DLX4: variants seen among roughly 807,000 people sequenced by gnomAD.
The protein encoded by DLX4 is distal-less homeobox 4.
A neutral mutation model predicts 17.1 loss-of-function variants in DLX4; 13 were observed. The observed-to-expected ratio is 0.76, with a 90% CI of 0.49 to 1.21. DLX4 has a LOEUF of 1.21. Ranked by LOEUF, DLX4 falls within the 50% of genes most tolerant of loss-of-function variation. DLX4 has a pLI of 0.00. For missense variants in DLX4, 297 were observed against 301.4 expected (o/e 0.99, Z 0.11); for synonymous variants, 129 against 140.3 (o/e 0.92, Z 0.57).
intron 1 of DLX4, among the ~76,000 whole-genome samples, chr17:49,970,087 G>A (rs1284071936): frequency 6.6e-6 from 1 of 152,198 alleles, no homozygotes; most frequent in Non-Finnish European, 1.5e-5. Flanking sequence ...ATGTGGGGAT[G>A]GGGGCCTAGC....
intron 1 of DLX4, among the ~76,000 whole-genome samples, chr17:49,970,090 G>T (rs1324984107): frequency 1.3e-5 from 2 of 152,152 alleles, no homozygotes; most frequent in East Asian, 3.9e-4. Flanking sequence ...TGGGGATGGG[G>T]GCCTAGCCCC....
In DLX4 at chr17:49,972,018, C is replaced by G. The variant is rs1307568474; in HGVS notation, c.284-1055C>G. 6.6e-6 allele frequency: 1 copy of G among 152,232 alleles called. No homozygotes were observed. The highest frequency in any genetic ancestry group is 1.5e-5 in the Non-Finnish European group (1 of 68,086). 9.4% of individuals were successfully genotyped at this position (152,232 alleles called of 1,614,324 possible). The stretch of plus-strand genomic sequence containing the variant: ...CTGGACAGACCCGCAGGGAATGCGG[C>G]GAACGCTGCCCTAAGCGCCCGGGCA... On this transcript the variant is annotated intron_variant, in intron 1 of 2. Coordinates refer to ENST00000240306, the MANE Select transcript of DLX4 (RefSeq NM_138281.3). The surrounding 1 kb of genome is among the most constrained non-coding windows in gnomAD (Gnocchi z 5.4).
Position 49,969,541 on chromosome 17 carries a change from C to A in DLX4, c.73C>A (p.Pro25Thr). 6.2e-7 allele frequency: 1 copy of A among 1,613,266 alleles called. No individual in the cohort carries two copies. Among genetic ancestry groups the A allele is most frequent in the Non-Finnish European group, 8.5e-7 (1 of 1,179,952 alleles). Residue 25 changes from proline (P) to threonine (T), a missense_variant, in exon 1 of 3, where the codon CCG becomes ACG. Transcript: ENST00000240306. ...TGTCTTCCCAGACCTCGCCCCTGTC[C>A]CGTCGGTAGCGGCTGCCTACCCGCT... is the stretch of plus-strand genomic sequence containing the variant. Reference protein sequence around the residue: ...KAVFPDLAPVPSVAAAYPLGL... With the variant: ...KAVFPDLAPVTSVAAAYPLGL...
chr17:49,974,270 A>G lies in DLX4; in HGVS notation c.*327A>G, dbSNP rs142428478. ...GAACCCTTGGTCTTGCCACTCCCCC[A>G]CTCCTTCTTCCCTCTCTCCCTTTCT... On this transcript the variant is annotated 3_prime_UTR_variant, in exon 3 of 3. Transcript: ENST00000240306. The G allele has an allele frequency of 7.2e-3, 1,575 of 217,564 alleles. 24 individuals carry two copies. The highest frequency in any genetic ancestry group is 0.034 in the African/African-American group (1,464 of 43,414). The allele number at this position is 217,564 out of a possible 1,614,324, so 13.5% of individuals were successfully genotyped here.
chr17:49,969,623 G>T lies in DLX4; in HGVS notation c.155G>T (p.Gly52Val). 6.2e-7 allele frequency: 1 copy of T among 1,612,972 alleles called. No homozygotes were observed. ...SPNLSYSRPYGHLLSYPYTEP... is the reference protein window; with the variant it reads ...SPNLSYSRPYVHLLSYPYTEP... ...AATTTGTCCTACTCCAGGCCGTATG[G>T]CCACCTCCTGTCTTACCCCTACACC... Residue 52 changes from glycine to valine, a missense_variant, in exon 1 of 3, where the codon GGC (glycine) becomes GTC (valine). Coordinates refer to ENST00000240306, the MANE Select transcript of DLX4 (RefSeq NM_138281.3).
intron 1 of DLX4, among the ~76,000 whole-genome samples, chr17:49,970,057 G>A (rs919089): frequency 0.66 from 99,998 of 151,968 alleles, 34,284 homozygotes; most frequent in Admixed American, 0.79. Flanking sequence ...TACTAGTAAC[G>A]GAAAACTGAA....
Position 49,973,117 on chromosome 17 carries a change from C to A in DLX4, c.328C>A (p.Pro110Thr). The A allele has an allele frequency of 6.2e-7, 1 of 1,614,038 alleles. No homozygotes were observed. The highest frequency in any genetic ancestry group is 1.1e-5 in the South Asian group (1 of 91,088). ...GTCCCCGGAACCCTCCGAGCGGCGC[C>A]CTCAGGCCCCCGCCAAAAAGCTCCG... ...RLSPEPSERR[P>T]QAPAKKLRKP... is the part of the protein sequence containing the mutation. Residue 110 changes from proline to threonine, a missense_variant, in exon 2 of 3, where the codon CCT (proline) becomes ACT (threonine). Transcript: ENST00000240306.
At position 49,969,652 on chromosome 17, in the gene DLX4, C is replaced by T; in HGVS notation, c.184C>T (p.Pro62Ser). The stretch of plus-strand genomic sequence containing the variant: ...CCTCCTGTCTTACCCCTACACCGAG[C>T]CAGCGAACCCCGGAGACTCCTACCT... ...GHLLSYPYTE[P>S]ANPGDSYLSC... The change falls in exon 1 of 3, where the codon CCA (proline) becomes TCA (serine). Residue 62 changes from proline to serine, a missense_variant. Coordinates refer to ENST00000240306, the MANE Select transcript of DLX4 (RefSeq NM_138281.3). 1.2e-6 allele frequency: 2 copies of T among 1,610,838 alleles called. No individual in the cohort carries two copies. The highest frequency in any genetic ancestry group is 8.5e-7 in the Non-Finnish European group (1 of 1,179,946).
chr17:49,973,465 G>T, intron 2 of DLX4, 196 bp downstream of exon 2: 1 of 1,015,634 alleles, frequency 9.8e-7, no homozygotes, highest in South Asian at 1.5e-5. Context: ...TGTGCGGGTG[G>T]GGTGGAGTGG....
upstream of DLX4, chr17:49,969,084 A>G (rs574373019): frequency 1.3e-3 from 257 of 196,318 alleles, 2 homozygotes; most frequent in African/African-American, 5.6e-3. Flanking sequence ...CCCATTTACC[A>G]CTTCTCTACA....
In DLX4 at chr17:49,973,089, G is replaced by T. The variant is rs762935432; in HGVS notation, c.300G>T (p.Arg100=). 6.2e-7 allele frequency: 1 copy of T among 1,613,918 alleles called. No homozygotes were observed. Residue 100 remains arginine (R), a synonymous_variant, in exon 2 of 3, where the codon CGG becomes CGT. Transcript: ENST00000240306. ...GCCCACCAGACTCGGAGAAGCCGCGGCTGTCCCCGGAACCCTCCGAGCGGC... is the reference window on the plus strand; with the variant it reads ...GCCCACCAGACTCGGAGAAGCCGCGTCTGTCCCCGGAACCCTCCGAGCGGC... ...QELEADSEKP[R]LSPEPSERRP...
chr17:49,971,731 C>A (rs1905513217), intron 1 of DLX4, among the ~76,000 whole-genome samples: 1 of 151,854 alleles, frequency 6.6e-6, no homozygotes, highest in South Asian at 2.1e-4. Flanking sequence ...GGGGTCGAGG[C>A]AGGGGAGGCA....
chr17:49,971,654 T>C (rs1014921978), intron 1 of DLX4, among the ~76,000 whole-genome samples: 10 of 152,076 alleles, frequency 6.6e-5, no homozygotes, highest in South Asian at 2.1e-4. Context: ...CCGCTCGAAT[T>C]GCGCAGTCCA....
intron 1 of DLX4, among the ~76,000 whole-genome samples, chr17:49,970,097 C>T (rs1905453365): frequency 6.6e-6 from 1 of 152,172 alleles, no homozygotes; most frequent in Non-Finnish European, 1.5e-5. Flanking sequence ...GGGGGCCTAG[C>T]CCCTTTGTCA....
rs953599871 is a variant in DLX4 at position 49,974,744 on chromosome 17, T to C, written c.*801T>C. 3 of 152,172 alleles carry C rather than the reference T, an allele frequency of 2.0e-5. No homozygotes were observed. The highest frequency in any genetic ancestry group is 7.2e-5 in the African/African-American group (3 of 41,426). 9.4% of individuals were successfully genotyped at this position (152,172 alleles called of 1,614,324 possible). ...TAACGAACCCACGGGCACACACTTTTGGAAACCTGGTAAAGTAACACTTAG... is the reference window on the plus strand; with the variant it reads ...TAACGAACCCACGGGCACACACTTTCGGAAACCTGGTAAAGTAACACTTAG... On this transcript the variant is annotated 3_prime_UTR_variant, in exon 3 of 3. Transcript: ENST00000240306.
intron 2 of DLX4, 71 bp from the exon 3 acceptor site, chr17:49,973,630 T>A (rs1647006043): frequency 6.7e-7 from 1 of 1,487,462 alleles, no homozygotes; most frequent in Admixed American, 2.4e-5. Flanking sequence ...CTGGATCCCT[T>A]TCCCTTCCTC....
chr17:49,974,158 C>A lies in DLX4; in HGVS notation c.*215C>A. ...CTCAGCCTTATATAATCATTGTCCC[C>A]ACCACTACCATGGACTGGACACCTT... On this transcript the variant is annotated 3_prime_UTR_variant, in exon 3 of 3. Coordinates refer to ENST00000240306, the MANE Select transcript of DLX4 (RefSeq NM_138281.3). 2.1e-6 allele frequency: 1 copy of A among 478,232 alleles called. No individual in the cohort carries two copies. The highest frequency in any genetic ancestry group is 3.5e-6 in the Non-Finnish European group (1 of 288,554). The allele number at this position is 478,232 out of a possible 1,614,324, so 29.6% of individuals were successfully genotyped here.
chr17:49,969,852 A>C, intron 1 of DLX4, 101 bp downstream of exon 1: 11 of 510,960 alleles, frequency 2.2e-5, no homozygotes, highest in East Asian at 1.7e-4. Context: ...CGGGATTCAA[A>C]CCTTCCTTGG....
In DLX4 at chr17:49,972,893, G is replaced by T. The variant is rs1905559566; in HGVS notation, c.284-180G>T. 5 of 1,451,232 alleles carry T rather than the reference G, an allele frequency of 3.4e-6. No homozygotes were observed. The South Asian group carries it at 7.4e-5, about 21-fold the overall frequency. The allele number at this position is 1,451,232 out of a possible 1,614,324, so 89.9% of individuals were successfully genotyped here. A position where few individuals can be genotyped will look rare whatever the true frequency, so the allele number is the denominator to read the frequency against. Reference sequence around the variant, plus strand: ...TATCACCTGGCGCGGTGAACGTGGGGGTTGAAACGCTCCACGCGGAAGGTA... The same window carrying T: ...TATCACCTGGCGCGGTGAACGTGGGTGTTGAAACGCTCCACGCGGAAGGTA... On this transcript the variant is annotated intron_variant, in intron 1 of 2. Transcript: ENST00000240306. The surrounding 1 kb of genome is among the most constrained non-coding windows in gnomAD (Gnocchi z 5.4).
Sources: gnomAD v4.1 joint callset for allele counts (sites outside exome capture counted in the v4.1 genomes callset) on GRCh38, gnomAD v4.1.1 for gene constraint, Gnocchi (gnomAD v3.1) non-coding constraint, MANE v1.5 for transcripts, NCBI Gene and HGNC (gene_info 2026-07-23, HGNC 2026-07-21) for gene names.